The following THSD7B variants were observed in gnomAD, a reference collection of about 807,000 sequenced individuals.
THSD7B encodes thrombospondin type 1 domain containing 7B.
Under a neutral mutation model 213.6 loss-of-function variants are expected in THSD7B, and 138 were observed. The observed-to-expected ratio is 0.65, with a 90% CI of 0.56 to 0.74. THSD7B has a LOEUF of 0.74. Among genes scored for constraint, THSD7B ranks in the 30% least tolerant of loss-of-function variants. The probability of loss-of-function intolerance (pLI) is 0.00; values close to 1 mark genes in which losing one functional copy is unlikely to be tolerated. For synonymous variants in THSD7B, 742 were observed against 687.0 expected, an observed-to-expected ratio of 1.08 and a Z score of -1.25; for missense variants, 1,931 against 1,991.5, an observed-to-expected ratio of 0.97 and a Z score of 0.58.
chr2:137,237,654 C>T (rs1454386956), intron 9 of THSD7B, among the ~76,000 whole-genome samples: 1 of 152,150 alleles, frequency 6.6e-6, no homozygotes, highest in Non-Finnish European at 1.5e-5. Flanking sequence ...TACAGTGATA[C>T]AGAAAACCAA....
intron 2 of THSD7B, among the ~76,000 whole-genome samples, chr2:136,899,120 T>G (rs1573698062): frequency 6.6e-6 from 1 of 152,222 alleles, no homozygotes; most frequent in South Asian, 2.1e-4. Flanking sequence ...TTAAGTGATA[T>G]CAGGAACTGG....
At chr2:137,235,915 A>G (rs574644049) in intron 9 of THSD7B, among the ~76,000 whole-genome samples, 43 of 152,186 alleles carry the variant, frequency 2.8e-4, no homozygotes, top group Non-Finnish European at 4.4e-4. Context: ...TTCTGACTGT[A>G]TGTCTCCAAA....
chr2:137,363,635 T>C (rs1414925292), intron 12 of THSD7B, among the ~76,000 whole-genome samples: 1 of 152,148 alleles, frequency 6.6e-6, no homozygotes, highest in Non-Finnish European at 1.5e-5. Flanking sequence ...CTAGAAAATC[T>C]AGAAGAAATG....
At chr2:136,901,042 G>T (rs1684053985) in intron 2 of THSD7B, among the ~76,000 whole-genome samples, 1 of 152,072 alleles carries the variant, frequency 6.6e-6, no homozygotes, top group Non-Finnish European at 1.5e-5. Context: ...TTTACTCAGT[G>T]CTTGTGTAAA....
At chr2:137,645,369 G>A (rs992402019) in intron 21 of THSD7B, among the ~76,000 whole-genome samples, 2 of 152,172 alleles carry the variant, frequency 1.3e-5, no homozygotes, top group East Asian at 1.9e-4. Context: ...GAGAGTTAAC[G>A]AGAAAACCTG....
intron 12 of THSD7B, among the ~76,000 whole-genome samples, chr2:137,312,005 A>G (rs1683923242): frequency 6.8e-6 from 1 of 147,656 alleles, no homozygotes; most frequent in South Asian, 2.2e-4. Context: ...TGGTATCAGG[A>G]TGATGCTGGC....
chr2:137,522,508 A>C (rs1218742727), intron 15 of THSD7B, among the ~76,000 whole-genome samples: 1 of 152,148 alleles, frequency 6.6e-6, no homozygotes, highest in Non-Finnish European at 1.5e-5. Context: ...TGGTGAGGGA[A>C]AGAAAGCAAT....
intron 7 of THSD7B, among the ~76,000 whole-genome samples, chr2:137,229,175 A>C (rs1405690771): frequency 6.6e-6 from 1 of 152,020 alleles, no homozygotes; most frequent in Non-Finnish European, 1.5e-5. Context: ...TATTCATAAA[A>C]CCCCTACAAA....
chr2:137,070,060 T>TA (rs1302074406), intron 3 of THSD7B, among the ~76,000 whole-genome samples: 3 of 151,800 alleles, frequency 2.0e-5, no homozygotes, highest in Non-Finnish European at 2.9e-5. Context: ...TTTCTAAAAA[T>TA]AAAAAATATG....
intron 15 of THSD7B, among the ~76,000 whole-genome samples, chr2:137,526,442 G>A (rs1440346068): frequency 6.6e-6 from 1 of 151,916 alleles, no homozygotes; most frequent in Non-Finnish European, 1.5e-5. Context: ...TTGTTTTTGA[G>A]AGAGAATCTC....
At chr2:137,277,066 A>G (rs114822840) in intron 12 of THSD7B, among the ~76,000 whole-genome samples, 2,495 of 152,110 alleles carry the variant, frequency 0.016, 61 homozygotes, top group African/African-American at 0.056. Context: ...TTTCTGCTGA[A>G]AAATTGTTAC....
At chr2:137,377,390 T>C (rs1685679992) in intron 12 of THSD7B, among the ~76,000 whole-genome samples, 1 of 152,182 alleles carries the variant, frequency 6.6e-6, no homozygotes, top group African/African-American at 2.4e-5. Context: ...ATTCCTTATT[T>C]GTGGGTATAC....
chr2:137,187,261 G>T (rs984682671), intron 7 of THSD7B, among the ~76,000 whole-genome samples: 4 of 152,094 alleles, frequency 2.6e-5, no homozygotes, highest in African/African-American at 9.7e-5. Context: ...CTTCTCCAGG[G>T]CTAAGGTGGA....
chr2:137,459,524 G>T (rs1167206069), intron 15 of THSD7B, among the ~76,000 whole-genome samples: 1 of 152,030 alleles, frequency 6.6e-6, no homozygotes, highest in Admixed American at 6.6e-5. Flanking sequence ...AAATTAGCTA[G>T]GTGTGGTGAT....
At chr2:136,997,632 T>C (rs1033446371) in intron 2 of THSD7B, among the ~76,000 whole-genome samples, 2 of 152,140 alleles carry the variant, frequency 1.3e-5, no homozygotes, top group African/African-American at 4.8e-5. Context: ...AGCATAGAGG[T>C]GGAGGAAACT....
At chr2:137,298,697 C>T (rs1683525555) in intron 12 of THSD7B, among the ~76,000 whole-genome samples, 1 of 152,182 alleles carries the variant, frequency 6.6e-6, no homozygotes, top group Non-Finnish European at 1.5e-5. Flanking sequence ...AGCCAATGTA[C>T]AGCTCAGGCT....
chr2:137,592,602 G>A (rs1021541071), intron 17 of THSD7B, among the ~76,000 whole-genome samples: 7 of 151,752 alleles, frequency 4.6e-5, no homozygotes, highest in East Asian at 1.9e-4. Flanking sequence ...CAGTGATTAC[G>A]GGATGCATCT....
intron 12 of THSD7B, among the ~76,000 whole-genome samples, chr2:137,281,295 G>GA (rs202182338): frequency 1.9e-4 from 29 of 151,438 alleles, no homozygotes; most frequent in African/African-American, 3.9e-4. Context: ...GTTTTTCTGG[G>GA]AAAAAAAATT....
intron 2 of THSD7B, among the ~76,000 whole-genome samples, chr2:137,041,863 A>T (rs1019277540): frequency 1.3e-5 from 2 of 152,216 alleles, no homozygotes; most frequent in African/African-American, 4.8e-5. Context: ...CATATCCTGA[A>T]GTAAAACCCC....
Sources: allele counts gnomAD v4.1 joint callset (sites outside exome capture counted in the v4.1 genomes callset), GRCh38; gene constraint gnomAD v4.1.1; transcripts MANE v1.5; gene names NCBI Gene and HGNC (gene_info 2026-07-23, HGNC 2026-07-21).